The following FAM180A variants were observed in gnomAD, a reference collection of about 807,000 sequenced individuals.
FAM180A encodes the protein family with sequence similarity 180 member A.
FAM180A carries 14 observed loss-of-function variants against 15.3 expected under a neutral mutation model. The observed-to-expected ratio is 0.92, with a 90% confidence interval of 0.61 to 1.43. The LOEUF (loss-of-function observed/expected upper bound fraction) is 1.43, where lower values mean the gene tolerates loss of function less well. Among genes scored for constraint, FAM180A ranks in the 40% most tolerant of loss-of-function variants. The probability of loss-of-function intolerance (pLI) is 0.00; values close to 1 mark genes in which losing one functional copy is unlikely to be tolerated. For missense variants in FAM180A, 200 were observed against 220.8 expected, an observed-to-expected ratio of 0.91 and a Z score of 0.60; for synonymous variants, 90 against 96.8, an observed-to-expected ratio of 0.93 and a Z score of 0.41.
At chr7:135,731,807 G>C (rs1197678992) in intron 3 of FAM180A, among the ~76,000 whole-genome samples, 4 of 152,194 alleles carry the variant, frequency 2.6e-5, no homozygotes, top group Non-Finnish European at 5.9e-5. Flanking sequence ...CATGCGGCTA[G>C]CACTGCTATG....
Position 135,730,084 on chromosome 7 carries a change from AT to A in FAM180A, c.*526del. On this transcript the variant is annotated 3_prime_UTR_variant, in exon 4 of 4. Transcript: ENST00000338588. ...TGTTGTAAAAAGTCATTTAACAAGC[AT>A]TTGATTTTAGACCATTGGACCTGCA... The A allele has an allele frequency of 1.0e-6, 1 of 985,290 alleles. No homozygotes were observed. Among genetic ancestry groups the A allele is most frequent in the Non-Finnish European group, 1.2e-6 (1 of 829,920 alleles). The allele number at this position is 985,290 out of a possible 1,614,324, so 61.0% of individuals were successfully genotyped here.
intron 2 of FAM180A, among the ~76,000 whole-genome samples, chr7:135,735,703 T>A (rs764719199): frequency 6.6e-6 from 1 of 152,170 alleles, no homozygotes; most frequent in Non-Finnish European, 1.5e-5. Flanking sequence ...GTTCTCTCTT[T>A]TTTTATTTTA....
At chr7:135,745,966 A>G (rs916203255) in intron 1 of FAM180A, among the ~76,000 whole-genome samples, 4 of 152,200 alleles carry the variant, frequency 2.6e-5, no homozygotes, top group Non-Finnish European at 4.4e-5. Context: ...TTGAAAAAAA[A>G]GATGGCAAGA....
intron 3 of FAM180A, among the ~76,000 whole-genome samples, chr7:135,730,907 G>T (rs151239496): frequency 1.2e-4 from 19 of 152,002 alleles, no homozygotes; most frequent in African/African-American, 4.6e-4. Flanking sequence ...TAAGACTCTA[G>T]TTACTGAAAA....
intron 2 of FAM180A, 96 bp downstream of exon 2, chr7:135,737,003 C>A: frequency 1.1e-6 from 1 of 944,192 alleles, no homozygotes; most frequent in South Asian, 1.4e-5. Context: ...CACTCATGGT[C>A]AGGGGCTGAG....
intron 1 of FAM180A, among the ~76,000 whole-genome samples, chr7:135,739,783 T>C (rs1383732821): frequency 2.6e-5 from 4 of 152,150 alleles, no homozygotes; most frequent in Non-Finnish European, 4.4e-5. Flanking sequence ...GGGCTTATTA[T>C]AGTATTGCTG....
At chr7:135,747,061 C>T (rs1006223174) in intron 1 of FAM180A, among the ~76,000 whole-genome samples, 4 of 152,154 alleles carry the variant, frequency 2.6e-5, no homozygotes, top group African/African-American at 9.7e-5. Context: ...GATTGCACCC[C>T]TGCATTCCAG....
At chr7:135,732,689 TCACACACACACACACACACACACA>T (rs143588470) in intron 3 of FAM180A, among the ~76,000 whole-genome samples, 23 of 141,952 alleles carry the variant, frequency 1.6e-4, no homozygotes, top group African/African-American at 3.1e-4. Flanking sequence ...CGAGACTCCA[TCACACACACACACACACACACACA>T]CACACACACA....
intron 1 of FAM180A, among the ~76,000 whole-genome samples, chr7:135,741,665 A>G (rs529308167): frequency 2.6e-5 from 4 of 151,886 alleles, no homozygotes; most frequent in African/African-American, 4.8e-5. Flanking sequence ...TCTACTAAAA[A>G]TAAAAAAATT....
At chr7:135,743,354 C>T (rs1410427340) in intron 1 of FAM180A, among the ~76,000 whole-genome samples, 1 of 151,808 alleles carries the variant, frequency 6.6e-6, no homozygotes. Context: ...ACAGGCGCCA[C>T]CATGCCTGGC....
chr7:135,743,267 G>A (rs1432310716), intron 1 of FAM180A, among the ~76,000 whole-genome samples: 12 of 141,176 alleles, frequency 8.5e-5, no homozygotes, highest in African/African-American at 2.9e-4. Flanking sequence ...TGTCGCCCAC[G>A]CTGGAGGGCA....
chr7:135,734,211 C>A lies in FAM180A; in HGVS notation c.286G>T (p.Val96Phe), dbSNP rs3112374. 15 of 1,614,164 alleles carry A rather than the reference C, an allele frequency of 9.3e-6. No individual in the cohort carries two copies. The highest frequency in any genetic ancestry group is 1.3e-5 in the Non-Finnish European group (15 of 1,180,038). ...ATGTCTGGGATGCTCTTGGGGATGA[C>A]GTTGTTGCAGACGGTGCGGAAGTCT... ...ASDFRTVCNN[V>F]IPKSIPDIRR... is the part of the protein sequence containing the mutation. Residue 96 changes from valine to phenylalanine, a missense_variant, in exon 3 of 4, where the codon GTC (valine) becomes TTC (phenylalanine). Transcript: ENST00000338588.
chr7:135,741,170 C>T (rs188203351), intron 1 of FAM180A, among the ~76,000 whole-genome samples: 6 of 152,266 alleles, frequency 3.9e-5, no homozygotes, highest in Admixed American at 3.9e-4. Context: ...CAGAGGTACC[C>T]CTAGTTCTCA....
intron 1 of FAM180A, among the ~76,000 whole-genome samples, chr7:135,742,703 T>C (rs1276222241): frequency 1.3e-5 from 2 of 152,272 alleles, no homozygotes; most frequent in East Asian, 3.8e-4. Flanking sequence ...TGTCTTCTGC[T>C]GAGAGATACC....
rs1320308862 is a variant in FAM180A, at chr7:135,729,879, G to T, written c.*732C>A. On this transcript the variant is annotated 3_prime_UTR_variant, in exon 4 of 4. Transcript: ENST00000338588. Reference sequence around the variant, plus strand: ...GGAAGGGGAAAAGAGGAGTTGTTCGGTGGGTATAGAACTTCAGAATTACAA... The same window carrying T: ...GGAAGGGGAAAAGAGGAGTTGTTCGTTGGGTATAGAACTTCAGAATTACAA... 4.3e-6 allele frequency: 3 copies of T among 700,534 alleles called. No individual in the cohort carries two copies. The African/African-American group carries it at 5.8e-5, about 14-fold the overall frequency. 43.4% of individuals were successfully genotyped at this position (700,534 alleles called of 1,614,324 possible). A position where few individuals can be genotyped will look rare whatever the true frequency, so the allele number is the denominator to read the frequency against.
rs1447483042 is a variant in FAM180A at position 135,730,277 on chromosome 7, C to T, written c.*334G>A. 12 of 985,152 alleles carry T rather than the reference C, an allele frequency of 1.2e-5. No individual in the cohort carries two copies. In the African/African-American group the frequency reaches 2.1e-4, roughly 17 times the overall value. 61.0% of individuals were successfully genotyped at this position (985,152 alleles called of 1,614,324 possible). A position where few individuals can be genotyped will look rare whatever the true frequency, so the allele number is the denominator to read the frequency against. Reference sequence around the variant, plus strand: ...AGATCCTGGGCCAGGCACGGTGGCTCACGCCTGTAATCCTAGCATTTTGGG... The same window carrying T: ...AGATCCTGGGCCAGGCACGGTGGCTTACGCCTGTAATCCTAGCATTTTGGG... On this transcript the variant is annotated 3_prime_UTR_variant, in exon 4 of 4. Coordinates refer to ENST00000338588, the MANE Select transcript of FAM180A (RefSeq NM_205855.4).
intron 1 of FAM180A, among the ~76,000 whole-genome samples, chr7:135,747,879 A>G (rs376917028): frequency 1.3e-5 from 2 of 152,212 alleles, no homozygotes; most frequent in East Asian, 3.9e-4. Context: ...AAAAGATGCC[A>G]TCCAGCTAGG....
Position 135,748,704 on chromosome 7 carries a change from G to T in FAM180A, c.-124C>A. On this transcript the variant is annotated 5_prime_UTR_variant, in exon 1 of 4. Coordinates refer to ENST00000338588, the MANE Select transcript of FAM180A (RefSeq NM_205855.4). ...GCTTCCCTCCCTTCCTTTTGCAGAC[G>T]TGCAGAAATGCCTACTCTGCCTCAG... The T allele has an allele frequency of 1.3e-6, 1 of 779,160 alleles. No individual in the cohort carries two copies. The allele number at this position is 779,160 out of a possible 1,614,324, so 48.3% of individuals were successfully genotyped here. A position where few individuals can be genotyped will look rare whatever the true frequency, so the allele number is the denominator to read the frequency against.
chr7:135,739,393 G>C (rs1009297928), intron 1 of FAM180A, among the ~76,000 whole-genome samples: 1 of 151,068 alleles, frequency 6.6e-6, no homozygotes, highest in Non-Finnish European at 1.5e-5. Context: ...GGTGGATCAC[G>C]AGGTCAGGAG....
Sources: gnomAD v4.1 joint callset for allele counts (sites outside exome capture counted in the v4.1 genomes callset) on GRCh38, gnomAD v4.1.1 for gene constraint, MANE v1.5 for transcripts, NCBI Gene and HGNC (gene_info 2026-07-23, HGNC 2026-07-21) for gene names.